Variants in PIAS4 observed in about 807,000 individuals in gnomAD.
PIAS4 encodes protein inhibitor of activated STAT 4.
PIAS4 carries 7 observed loss-of-function variants against 58.0 expected under a neutral mutation model. The observed-to-expected ratio is 0.12, with a 90% CI of 0.07 to 0.23. The LOEUF is 0.23. Among genes scored for constraint, PIAS4 ranks in the 10% least tolerant of loss-of-function variants. The probability of loss-of-function intolerance (pLI) is 1.00; values close to 1 mark genes in which losing one functional copy is unlikely to be tolerated. For missense variants in PIAS4, 550 were observed against 709.5 expected, an observed-to-expected ratio of 0.78 and a Z score of 2.55; for synonymous variants, 364 against 312.4, an observed-to-expected ratio of 1.17 and a Z score of -1.74.
In PIAS4 at chr19:4,033,573, A is replaced by G; in HGVS notation, c.1135A>G (p.Ile379Val). The change falls in exon 9 of 11, where the codon ATC (isoleucine) becomes GTC (valine). Residue 379 changes from isoleucine to valine, a missense_variant. Coordinates refer to ENST00000262971, the MANE Select transcript of PIAS4 (RefSeq NM_015897.4). ...DKPAPYDQLIIDGLLSKILSE... is the reference protein window; with the variant it reads ...DKPAPYDQLIVDGLLSKILSE... ...GCCAGCCCCCTACGACCAGCTCATC[A>G]TCGACGGGTGAGCCCGGGGCCCCGG... 7.5e-6 allele frequency: 12 copies of G among 1,605,440 alleles called. No homozygotes were observed. Among genetic ancestry groups the G allele is most frequent in the Non-Finnish European group, 1.0e-5 (12 of 1,177,230 alleles).
chr19:4,026,073 C>CAAAAAAAAAAAA (rs34554020), intron 3 of PIAS4, among the ~76,000 whole-genome samples: 1 of 76,808 alleles, frequency 1.3e-5, no homozygotes, highest in African/African-American at 6.0e-5. Flanking sequence ...GACTCCGTCT[C>CAAAAAAAAAAAA]AAAAAAAAAA....
At chr19:4,025,159 C>T (rs190646501) in intron 3 of PIAS4, among the ~76,000 whole-genome samples, 252 of 152,274 alleles carry the variant, frequency 1.7e-3, no homozygotes, top group African/African-American at 5.9e-3. Flanking sequence ...TGGGGCCGTC[C>T]TGGGCACTGC....
intron 7 of PIAS4, among the ~76,000 whole-genome samples, chr19:4,031,545 G>T (rs531535011): frequency 1.5e-4 from 23 of 152,250 alleles, no homozygotes; most frequent in African/African-American, 5.5e-4. Flanking sequence ...AACCGCCCCC[G>T]ACCTTCCCTG....
At position 4,033,423 on chromosome 19, in the gene PIAS4, G is replaced by A; in HGVS notation, c.985G>A (p.Val329Met). 1 of 1,552,238 alleles carries A rather than the reference G, an allele frequency of 6.4e-7. No individual in the cohort carries two copies. Among genetic ancestry groups the A allele is most frequent in the Non-Finnish European group, 8.7e-7 (1 of 1,148,648 alleles). ...GVRVSLICPL[V>M]KMRLSVPCRA... ...TCACGCAGCCCCTCCCCCACAGCTG[G>A]TGAAGATGCGGCTCTCCGTGCCCTG... The change falls in exon 9 of 11, where the codon GTG becomes ATG. Residue 329 changes from valine to methionine, a missense_variant. Around this residue, in one of 4 missense-constraint regions of PIAS4, gnomAD observed 225 missense variants for 345.8 expected, o/e 0.65. Coordinates refer to ENST00000262971, the MANE Select transcript of PIAS4 (RefSeq NM_015897.4).
intron 7 of PIAS4, among the ~76,000 whole-genome samples, chr19:4,029,434 C>T (rs1458227582): frequency 1.3e-5 from 2 of 152,266 alleles, no homozygotes; most frequent in African/African-American, 4.8e-5. Flanking sequence ...GAGGGTGCTG[C>T]GGGACCTGGC....
intron 2 of PIAS4, among the ~76,000 whole-genome samples, chr19:4,017,198 G>T (rs2040060940): frequency 6.6e-6 from 1 of 152,106 alleles, no homozygotes; most frequent in Admixed American, 6.5e-5. Context: ...CCAGGTCTTG[G>T]CCTTCAGGTT....
chr19:4,036,081 G>A lies in PIAS4; in HGVS notation c.1143-1293G>A, dbSNP rs111164842. On this transcript the variant is annotated intron_variant, in intron 9 of 10. Coordinates refer to ENST00000262971, the MANE Select transcript of PIAS4 (RefSeq NM_015897.4). ...ATACAGTCCACACTGTCACACATCCGTACAGTCCACACCGTCATACAAACA... is the reference window on the plus strand; with the variant it reads ...ATACAGTCCACACTGTCACACATCCATACAGTCCACACCGTCATACAAACA... Among the ~76,000 whole-genome samples the A allele has an allele frequency of 7.3e-3, 64 of 8,778 alleles. 2 individuals are homozygous for A. Among genetic ancestry groups the A allele is most frequent in the East Asian group, 0.033 (7 of 214 alleles). The allele number at this position is 8,778 out of a possible 152,430, so 5.8% of individuals were successfully genotyped here. A position where few individuals can be genotyped will look rare whatever the true frequency, so the allele number is the denominator to read the frequency against.
intron 9 of PIAS4, among the ~76,000 whole-genome samples, chr19:4,034,789 A>G (rs2040258540): frequency 6.6e-6 from 1 of 152,158 alleles, no homozygotes; most frequent in Admixed American, 6.5e-5. Flanking sequence ...TCAGCAGCCC[A>G]TGGGACTCGG....
At chr19:4,016,999 C>T (rs369909759) in intron 2 of PIAS4, among the ~76,000 whole-genome samples, 58 of 152,262 alleles carry the variant, frequency 3.8e-4, no homozygotes, top group African/African-American at 1.2e-3. Flanking sequence ...GGCAAGTGGC[C>T]GTCTGCCTTC....
chr19:4,014,481 G>T (rs563847950), intron 2 of PIAS4, among the ~76,000 whole-genome samples: 26 of 152,350 alleles, frequency 1.7e-4, no homozygotes, highest in Middle Eastern at 3.4e-3. Context: ...GCGGACCTGT[G>T]CCTTGAGGCG....
chr19:4,011,141 C>T (rs2039988885), intron 1 of PIAS4, among the ~76,000 whole-genome samples: 1 of 152,260 alleles, frequency 6.6e-6, no homozygotes, highest in South Asian at 2.1e-4. Flanking sequence ...ACTGGGACTG[C>T]CTCTGGCTTC....
chr19:4,031,720 C>T (rs1012251189), intron 7 of PIAS4, among the ~76,000 whole-genome samples: 11 of 152,166 alleles, frequency 7.2e-5, no homozygotes, highest in Non-Finnish European at 1.5e-4. Flanking sequence ...CTGCTTCCCA[C>T]AGCCGGCCCC....
At chr19:4,033,934 C>T (rs1039871993) in intron 9 of PIAS4, among the ~76,000 whole-genome samples, 2 of 152,140 alleles carry the variant, frequency 1.3e-5, no homozygotes, top group Non-Finnish European at 2.9e-5. Flanking sequence ...CACCCCAGGA[C>T]GCGCAGCCTT....
At chr19:4,033,723 G>A (rs1439019116) in intron 9 of PIAS4, 143 bp downstream of exon 9, 2 of 692,458 alleles carry the variant, frequency 2.9e-6, no homozygotes, top group Middle Eastern at 3.9e-4. Context: ...GAAACCCCGG[G>A]CTGCGAAAAG....
chr19:4,013,095 C>T lies in PIAS4; in HGVS notation c.200C>T (p.Ala67Val). 3 of 1,613,474 alleles carry T rather than the reference C, an allele frequency of 1.9e-6. No individual in the cohort carries two copies. Among genetic ancestry groups the T allele is most frequent in the Non-Finnish European group, 2.5e-6 (3 of 1,180,016 alleles). Residue 67 changes from alanine to valine, a missense_variant, in exon 2 of 11, where the codon GCC becomes GTC. Coordinates refer to ENST00000262971, the MANE Select transcript of PIAS4 (RefSeq NM_015897.4). The surrounding 1 kb of genome is among the most constrained non-coding windows in gnomAD (Gnocchi z 5.1). ...AAGGAGCTGTACGAGACCCGCTACG[C>T]CAAGAAGAACTCGGAGCCTGCCCCA... ...KIKELYETRY[A>V]KKNSEPAPQP...
At chr19:4,024,224 C>G in intron 3 of PIAS4, 104 bp downstream of exon 3, 1 of 841,042 alleles carries the variant, frequency 1.2e-6, no homozygotes, top group Non-Finnish European at 2.0e-6. Context: ...AGGCCTCGCT[C>G]GGGCTCAGTC....
intron 7 of PIAS4, 60 bp downstream of exon 7, chr19:4,029,096 G>T: frequency 1.6e-6 from 2 of 1,277,106 alleles, no homozygotes. Flanking sequence ...AACCCGCCCT[G>T]TGCTGGGTGA....
At position 4,038,129 on chromosome 19, in the gene PIAS4, C is replaced by T. The variant is rs563388633; in HGVS notation, c.*254C>T. The T allele has an allele frequency of 9.5e-4, 435 of 456,536 alleles. 2 individuals carry two copies. The highest frequency in any genetic ancestry group is 8.4e-3 in the African/African-American group (401 of 47,998). The allele number at this position is 456,536 out of a possible 1,614,324, so 28.3% of individuals were successfully genotyped here. On this transcript the variant is annotated 3_prime_UTR_variant, in exon 11 of 11. Coordinates refer to ENST00000262971, the MANE Select transcript of PIAS4 (RefSeq NM_015897.4). This position sits in a 1 kb window ranked among gnomAD's most constrained non-coding sequence, Gnocchi z 4.1. ...AAAGTCAAACTCTTAAAAACAAGGC[C>T]GGCCACCCACACAGCCGCCTCCCCG...
chr19:4,036,802 C>T (rs574001045), intron 9 of PIAS4, among the ~76,000 whole-genome samples: 2 of 149,116 alleles, frequency 1.3e-5, no homozygotes, highest in Admixed American at 6.6e-5. Context: ...ATACAGTCCA[C>T]ACCGTCACAT....
Sources: allele counts gnomAD v4.1 joint callset (sites outside exome capture counted in the v4.1 genomes callset), GRCh38; gene constraint gnomAD v4.1.1; regional missense constraint gnomAD v4.1.1; non-coding constraint Gnocchi (gnomAD v3.1); transcripts MANE v1.5; gene names NCBI Gene and HGNC (gene_info 2026-07-23, HGNC 2026-07-21).